Variants in TESC observed in about 807,000 individuals in gnomAD.
The protein encoded by TESC is tescalcin.
In TESC, 19 loss-of-function variants were observed where a neutral mutation model predicts 31.0. The ratio of observed to expected loss-of-function variants is 0.61; its 90% CI spans 0.43 to 0.90. TESC has a LOEUF of 0.90. Among genes scored for constraint, TESC ranks in the 40% least tolerant of loss-of-function variants. The pLI is 0.00. For missense variants in TESC, 248 were observed against 303.8 expected (o/e 0.82, Z 1.36); for synonymous variants, 109 against 114.8 (o/e 0.95, Z 0.32).
chr12:117,067,298 C>T, intron 2 of TESC, among the ~76,000 whole-genome samples: 1 of 152,184 alleles, frequency 6.6e-6, no homozygotes. Flanking sequence ...GGCATGGTGT[C>T]TCATGCCTGT....
Position 117,042,099 on chromosome 12 carries a change from A to G in TESC, c.520-105T>C. On this transcript the variant is annotated intron_variant, in intron 6 of 7. Coordinates refer to ENST00000335209, the MANE Select transcript of TESC (RefSeq NM_017899.4). ...CCCCTCCCCACCAATACCCAAATGTAAGTTGTTGAGGCTGTTTGGGAGGAA... is the reference window on the plus strand; with the variant it reads ...CCCCTCCCCACCAATACCCAAATGTGAGTTGTTGAGGCTGTTTGGGAGGAA... 2.6e-6 allele frequency: 3 copies of G among 1,172,208 alleles called. No homozygotes were observed. The South Asian group carries it at 4.1e-5, about 16-fold the overall frequency. 72.6% of individuals were successfully genotyped at this position (1,172,208 alleles called of 1,614,324 possible).
chr12:117,039,301 G>A (rs985053472), intron 7 of TESC, 91 bp from the exon 8 acceptor site: 29 of 1,215,794 alleles, frequency 2.4e-5, no homozygotes, highest in East Asian at 2.1e-4. Flanking sequence ...CCCACCTACC[G>A]TCTCCTGCCA....
At chr12:117,091,060 C>T (rs895679593) in intron 1 of TESC, among the ~76,000 whole-genome samples, 2 of 152,228 alleles carry the variant, frequency 1.3e-5, no homozygotes, top group African/African-American at 4.8e-5. Flanking sequence ...TGCCGGTCTG[C>T]AAAGGTCACA....
At chr12:117,056,621 C>A (rs1456237900) in intron 3 of TESC, among the ~76,000 whole-genome samples, 185 bp downstream of exon 3, 2 of 152,228 alleles carry the variant, frequency 1.3e-5, no homozygotes, top group South Asian at 4.1e-4. Flanking sequence ...CTTGAGTGAG[C>A]AGCCCAGTCG....
At chr12:117,063,064 C>T (rs780637708) in intron 2 of TESC, among the ~76,000 whole-genome samples, 13 of 152,178 alleles carry the variant, frequency 8.5e-5, no homozygotes, top group African/African-American at 2.2e-4. Flanking sequence ...GAAGGGCTCG[C>T]GTGACATCAA....
chr12:117,041,916 C>G (rs1285679345), intron 7 of TESC, 31 bp downstream of exon 7: 3 of 1,565,030 alleles, frequency 1.9e-6, no homozygotes, highest in Admixed American at 3.7e-5. Flanking sequence ...CTTCAAGGGT[C>G]CCCCGAGGCT....
At chr12:117,094,468 C>T (rs1955364122) in intron 1 of TESC, among the ~76,000 whole-genome samples, 1 of 152,190 alleles carries the variant, frequency 6.6e-6, no homozygotes, top group Non-Finnish European at 1.5e-5. Flanking sequence ...GCCTCTTATG[C>T]TCTCACTGAA....
chr12:117,077,320 A>T (rs1036881035), intron 1 of TESC, among the ~76,000 whole-genome samples: 7 of 152,212 alleles, frequency 4.6e-5, no homozygotes, highest in Admixed American at 1.3e-4. Flanking sequence ...GTGAATCATC[A>T]AAGTGCAATT....
chr12:117,049,567 A>G (rs1284846641), intron 3 of TESC, among the ~76,000 whole-genome samples: 1 of 152,134 alleles, frequency 6.6e-6, no homozygotes, highest in Non-Finnish European at 1.5e-5. Flanking sequence ...CATAGGCCCA[A>G]TTTGGCCTGT....
At chr12:117,088,379 C>T (rs1296709814) in intron 1 of TESC, among the ~76,000 whole-genome samples, 1 of 152,038 alleles carries the variant, frequency 6.6e-6, no homozygotes, top group Non-Finnish European at 1.5e-5. Context: ...CATAAACAGG[C>T]TTATCTAAAG....
intron 2 of TESC, among the ~76,000 whole-genome samples, chr12:117,058,232 A>G (rs1406438548): frequency 6.6e-6 from 1 of 151,816 alleles, no homozygotes; most frequent in Non-Finnish European, 1.5e-5. Flanking sequence ...GAGTTTTGAG[A>G]CTCCGTCTCA....
intron 6 of TESC, among the ~76,000 whole-genome samples, chr12:117,043,716 TG>T (rs1451420022): frequency 6.6e-6 from 1 of 152,020 alleles, no homozygotes; most frequent in Non-Finnish European, 1.5e-5. Flanking sequence ...TCCAACCGCC[TG>T]GGGCTCCCAA....
At chr12:117,097,203 A>G (rs1463086245) in intron 1 of TESC, among the ~76,000 whole-genome samples, 4 of 152,098 alleles carry the variant, frequency 2.6e-5, no homozygotes, top group Non-Finnish European at 4.4e-5. Flanking sequence ...CCACCTGCCT[A>G]CTCTAGTCTA....
chr12:117,085,129 G>A (rs963842663), intron 1 of TESC, among the ~76,000 whole-genome samples: 1 of 152,230 alleles, frequency 6.6e-6, no homozygotes, highest in African/African-American at 2.4e-5. Context: ...GGGGTTCTGG[G>A]GGTGGGGTGG....
chr12:117,087,341 A>G (rs1468358553), intron 1 of TESC, among the ~76,000 whole-genome samples: 1 of 152,024 alleles, frequency 6.6e-6, no homozygotes, highest in East Asian at 1.9e-4. Flanking sequence ...ACTTCAACCC[A>G]CTTTGTAAGT....
chr12:117,069,692 G>A (rs897842402), intron 2 of TESC, among the ~76,000 whole-genome samples: 1 of 152,190 alleles, frequency 6.6e-6, no homozygotes, highest in African/African-American at 2.4e-5. Flanking sequence ...GCCCAACACA[G>A]ATAAGAAACG....
Position 117,046,541 on chromosome 12 carries a change from G to A in TESC, c.519+18C>T. 6.5e-6 allele frequency: 10 copies of A among 1,542,622 alleles called. No individual in the cohort carries two copies. Among genetic ancestry groups the A allele is most frequent in the Non-Finnish European group, 7.9e-6 (9 of 1,141,804 alleles). On this transcript the variant is annotated intron_variant, in intron 6 of 7. Transcript: ENST00000335209. ...GGAAAGGCACTGCGCGTCTCGGGAGGGCTGCAGGGGCGCTCACCATCTGCC... is the reference window on the plus strand; with the variant it reads ...GGAAAGGCACTGCGCGTCTCGGGAGAGCTGCAGGGGCGCTCACCATCTGCC...
intron 1 of TESC, among the ~76,000 whole-genome samples, chr12:117,086,003 T>C (rs1463313545): frequency 6.6e-6 from 1 of 152,168 alleles, no homozygotes; most frequent in African/African-American, 2.4e-5. Flanking sequence ...GAGGCAGCCC[T>C]GTCATACTCC....
intron 1 of TESC, among the ~76,000 whole-genome samples, chr12:117,080,276 C>T (rs1482473832): frequency 6.6e-6 from 1 of 151,986 alleles, no homozygotes; most frequent in South Asian, 2.1e-4. Flanking sequence ...GAGACCTGCC[C>T]GGCCAACATG....
Sources: allele counts gnomAD v4.1 joint callset (sites outside exome capture counted in the v4.1 genomes callset), GRCh38; gene constraint gnomAD v4.1.1; transcripts MANE v1.5; gene names NCBI Gene and HGNC (gene_info 2026-07-23, HGNC 2026-07-21).